FRMD5: variants seen among roughly 807,000 people sequenced by gnomAD.
The protein encoded by FRMD5 is FERM domain-containing protein 5.
Under a neutral mutation model 69.0 loss-of-function variants are expected in FRMD5, and 20 were observed. The observed-to-expected ratio is 0.29, with a 90% CI of 0.20 to 0.42. The LOEUF is 0.42. Ranked by LOEUF, FRMD5 falls within the 10% of genes least tolerant of loss-of-function variation. The pLI is 1.00. For missense variants in FRMD5, 595 were observed against 708.6 expected (o/e 0.84, Z 1.82); for synonymous variants, 271 against 260.1 (o/e 1.04, Z -0.40).
chr15:44,145,518 G>T (rs1595519435), intron 1 of FRMD5, among the ~76,000 whole-genome samples: 1 of 152,080 alleles, frequency 6.6e-6, no homozygotes, highest in South Asian at 2.1e-4. Flanking sequence ...AGGTTTGACA[G>T]GAAAAATTAA....
At chr15:44,160,158 A>T (rs539103487) in intron 1 of FRMD5, among the ~76,000 whole-genome samples, 1 of 152,380 alleles carries the variant, frequency 6.6e-6, no homozygotes, top group East Asian at 1.9e-4. Context: ...GTTTGAGGCC[A>T]GCCTGGCCAA....
intron 1 of FRMD5, among the ~76,000 whole-genome samples, chr15:43,969,831 A>C (rs142601865): frequency 1.8e-4 from 27 of 152,304 alleles, no homozygotes; most frequent in African/African-American, 6.5e-4. Flanking sequence ...CTCTATCCTA[A>C]GATTTTCTGG....
chr15:44,119,254 C>T (rs1395889627), intron 1 of FRMD5, among the ~76,000 whole-genome samples: 1 of 152,174 alleles, frequency 6.6e-6, no homozygotes, highest in African/African-American at 2.4e-5. Flanking sequence ...GCCACTGCAC[C>T]TGGCCACTAA....
At chr15:43,906,844 G>A (rs551964553) in intron 5 of FRMD5, among the ~76,000 whole-genome samples, 98 of 151,436 alleles carry the variant, frequency 6.5e-4, no homozygotes, top group African/African-American at 2.1e-3. Flanking sequence ...CTCGTGATCC[G>A]CCCGCCTTGG....
rs1191428045 is a variant in FRMD5 at position 43,874,251 on chromosome 15, G to A, written c.1347C>T (p.Ile449=). ...CCTCAATGCTGCAGGTGGCTCCATT[G>A]ATCTGCCGGGAAAGCAACATCAGCT... ...SLELMLLSRQ[I]NGATCSIEEE... The change falls in exon 14 of 14, where the codon ATC becomes ATT. Residue 449 remains isoleucine, a synonymous_variant. Coordinates refer to ENST00000417257, the MANE Select transcript of FRMD5 (RefSeq NM_032892.5). The A allele has an allele frequency of 2.5e-6, 4 of 1,614,098 alleles. No individual in the cohort carries two copies. Among genetic ancestry groups the A allele is most frequent in the Non-Finnish European group, 3.4e-6 (4 of 1,180,048 alleles).
chr15:44,188,976 G>A (rs1029573806), intron 1 of FRMD5, among the ~76,000 whole-genome samples: 1 of 151,968 alleles, frequency 6.6e-6, no homozygotes, highest in Non-Finnish European at 1.5e-5. Context: ...CTGTCAAAGG[G>A]GTGTTTTCTG....
chr15:44,075,048 G>A (rs887055460), intron 1 of FRMD5, among the ~76,000 whole-genome samples: 16 of 152,180 alleles, frequency 1.1e-4, no homozygotes, highest in African/African-American at 3.6e-4. Context: ...CCAGCTCTTA[G>A]CACAAGTGAC....
In FRMD5 at chr15:43,994,720, C is replaced by A. The variant is rs936989134; in HGVS notation, c.103-70411G>T. ...GTGCTAGGATTAAAGGCGTGAGCCA[C>A]TGCACCCTGCGCTTAGCATTTTTAA... On this transcript the variant is annotated intron_variant, in intron 1 of 13. Coordinates refer to ENST00000417257, the MANE Select transcript of FRMD5 (RefSeq NM_032892.5). Among the ~76,000 whole-genome samples, 5 of 152,390 alleles carry A rather than the reference C, an allele frequency of 3.3e-5. No homozygotes were observed. The South Asian group carries it at 8.3e-4, about 25-fold the overall frequency.
intron 1 of FRMD5, among the ~76,000 whole-genome samples, chr15:44,151,408 A>AAAAG (rs1235255260): frequency 3.3e-5 from 5 of 151,478 alleles, no homozygotes; most frequent in African/African-American, 1.2e-4. Context: ...AAAAAAAAAA[A>AAAAG]AAAGAAAGAA....
intron 1 of FRMD5, among the ~76,000 whole-genome samples, chr15:44,156,686 A>G (rs1225023735): frequency 6.6e-6 from 1 of 152,162 alleles, no homozygotes; most frequent in Non-Finnish European, 1.5e-5. Flanking sequence ...CATAAATCTC[A>G]TCTCTACCCT....
At chr15:44,137,955 C>A (rs1189720036) in intron 1 of FRMD5, among the ~76,000 whole-genome samples, 1 of 152,070 alleles carries the variant, frequency 6.6e-6, no homozygotes, top group Non-Finnish European at 1.5e-5. Context: ...GCAGGAGGCA[C>A]CAAAATCTAA....
chr15:44,046,050 A>G (rs900863106), intron 1 of FRMD5, among the ~76,000 whole-genome samples: 2 of 152,140 alleles, frequency 1.3e-5, no homozygotes, highest in African/African-American at 4.8e-5. Flanking sequence ...TCAGCTCTGC[A>G]GTCATCTCCT....
chr15:43,943,468 C>A (rs1176847824), intron 1 of FRMD5, among the ~76,000 whole-genome samples: 1 of 152,220 alleles, frequency 6.6e-6, no homozygotes, highest in Non-Finnish European at 1.5e-5. Context: ...CACCTCTGTA[C>A]TGGGTAGAAT....
chr15:44,124,335 G>A (rs2076996071), intron 1 of FRMD5, among the ~76,000 whole-genome samples: 2 of 151,400 alleles, frequency 1.3e-5, no homozygotes, highest in Admixed American at 6.6e-5. Flanking sequence ...AGGAATGTAA[G>A]GAAATATTCA....
chr15:43,898,115 G>A (rs1412033519), intron 7 of FRMD5, among the ~76,000 whole-genome samples: 1 of 152,144 alleles, frequency 6.6e-6, no homozygotes, highest in Admixed American at 6.6e-5. Context: ...TAATCTTGTA[G>A]GTCAGTGTCC....
chr15:44,160,215 G>T (rs143063938), intron 1 of FRMD5, among the ~76,000 whole-genome samples: 1 of 152,174 alleles, frequency 6.6e-6, no homozygotes, highest in Non-Finnish European at 1.5e-5. Flanking sequence ...TTAGCTGGGC[G>T]TGGTGCCACT....
intron 1 of FRMD5, among the ~76,000 whole-genome samples, chr15:44,006,213 T>A (rs1241381204): frequency 2.0e-5 from 3 of 152,236 alleles, no homozygotes; most frequent in Admixed American, 2.0e-4. Flanking sequence ...ATTGTGCCTG[T>A]GCTCTATAAA....
At chr15:44,013,832 T>C (rs1287485849) in intron 1 of FRMD5, among the ~76,000 whole-genome samples, 1 of 149,770 alleles carries the variant, frequency 6.7e-6, no homozygotes, top group Non-Finnish European at 1.5e-5. Flanking sequence ...TGAGGAGGAG[T>C]GATGCAAGTA....
chr15:43,879,617 C>T (rs2088467113), intron 13 of FRMD5: 1 of 399,134 alleles, frequency 2.5e-6, no homozygotes, highest in Non-Finnish European at 4.4e-6. Context: ...AGTGATTAGT[C>T]AGCCGGAGCT....
Sources: allele counts gnomAD v4.1 joint callset (sites outside exome capture counted in the v4.1 genomes callset), GRCh38; gene constraint gnomAD v4.1.1; transcripts MANE v1.5; gene names NCBI Gene and HGNC (gene_info 2026-07-23, HGNC 2026-07-21).